The following GPC5 variants were observed in gnomAD, a reference collection of about 807,000 sequenced individuals.
The protein encoded by GPC5 is glypican-5.
GPC5 carries 47 observed loss-of-function variants against 53.9 expected under a neutral mutation model. That is an observed-to-expected ratio of 0.87 (90% CI 0.69 to 1.11). The LOEUF (loss-of-function observed/expected upper bound fraction) is 1.11. GPC5 is among the 50% of genes most tolerant of loss of function. The probability of loss-of-function intolerance (pLI) is 0.00; values close to 1 mark genes in which losing one functional copy is unlikely to be tolerated. For missense variants in GPC5, 748 were observed against 713.1 expected (o/e 1.05, Z -0.56); for synonymous variants, 286 against 263.3 (o/e 1.09, Z -0.84).
intron 2 of GPC5, among the ~76,000 whole-genome samples, chr13:91,488,694 G>A (rs1883756716): frequency 2.0e-5 from 3 of 152,114 alleles, no homozygotes; most frequent in Admixed American, 6.5e-5. Flanking sequence ...GTCATCTCAG[G>A]ACCCTGTGAT....
At chr13:91,850,353 G>T (rs138825671) in intron 5 of GPC5, among the ~76,000 whole-genome samples, 13 of 152,144 alleles carry the variant, frequency 8.5e-5, no homozygotes, top group Non-Finnish European at 1.8e-4. Context: ...GCCATTCCTG[G>T]TTGTCACAAC....
chr13:91,674,968 CCTT>C (rs2035347796), intron 2 of GPC5, among the ~76,000 whole-genome samples: 1 of 151,824 alleles, frequency 6.6e-6, no homozygotes, highest in Non-Finnish European at 1.5e-5. Context: ...CCCTTATTTC[CCTT>C]TTTTTTCTCA....
At chr13:92,822,974 GAA>G (rs5805765) in intron 7 of GPC5, among the ~76,000 whole-genome samples, 1 of 145,250 alleles carries the variant, frequency 6.9e-6, no homozygotes, top group Admixed American at 6.9e-5. Flanking sequence ...GAGAAAGTGT[GAA>G]AAAAAAAAAT....
intron 7 of GPC5, among the ~76,000 whole-genome samples, chr13:92,146,066 G>A (rs938092130): frequency 3.3e-5 from 5 of 152,046 alleles, no homozygotes; most frequent in South Asian, 2.1e-4. Flanking sequence ...ATAATGAAAT[G>A]TTTTCTCATT....
chr13:92,764,809 C>A (rs1875328970), intron 7 of GPC5, among the ~76,000 whole-genome samples: 1 of 151,910 alleles, frequency 6.6e-6, no homozygotes, highest in Non-Finnish European at 1.5e-5. Flanking sequence ...TTCTCAGTGG[C>A]CATTTTGCTG....
At chr13:92,238,353 A>G (rs1229098526) in intron 7 of GPC5, among the ~76,000 whole-genome samples, 1 of 151,964 alleles carries the variant, frequency 6.6e-6, no homozygotes, top group East Asian at 1.9e-4. Context: ...ATCCTCACCA[A>G]TACTTATCAA....
intron 4 of GPC5, among the ~76,000 whole-genome samples, chr13:91,740,651 G>A (rs2036914412): frequency 1.3e-5 from 2 of 152,178 alleles, no homozygotes; most frequent in Non-Finnish European, 2.9e-5. Context: ...GGTCTCCAAA[G>A]TTGAGCAAAG....
chr13:92,607,880 C>T (rs1205105143), intron 7 of GPC5, among the ~76,000 whole-genome samples: 1 of 152,176 alleles, frequency 6.6e-6, no homozygotes, highest in Non-Finnish European at 1.5e-5. Flanking sequence ...TTCTCTTCCA[C>T]CTCTGCCTGC....
intron 7 of GPC5, among the ~76,000 whole-genome samples, chr13:92,552,866 A>G (rs1362802444): frequency 3.9e-5 from 6 of 151,904 alleles, no homozygotes; most frequent in East Asian, 1.9e-4. Flanking sequence ...TGAAACTTCT[A>G]TGTCTTCTTC....
chr13:92,427,697 G>T (rs1258834308), intron 7 of GPC5, among the ~76,000 whole-genome samples: 2 of 152,030 alleles, frequency 1.3e-5, no homozygotes, highest in East Asian at 3.9e-4. Context: ...TGAGTCAAGT[G>T]ATCTTGTGAG....
chr13:91,527,037 A>G (rs1886119359), intron 2 of GPC5, among the ~76,000 whole-genome samples: 1 of 152,200 alleles, frequency 6.6e-6, no homozygotes, highest in Non-Finnish European at 1.5e-5. Context: ...GTGGGGACAC[A>G]GAACCAAACC....
chr13:92,612,292 C>T (rs1884464298), intron 7 of GPC5, among the ~76,000 whole-genome samples: 1 of 152,058 alleles, frequency 6.6e-6, no homozygotes, highest in Non-Finnish European at 1.5e-5. Flanking sequence ...CTGCTATCTA[C>T]ATTTGTGTAA....
intron 7 of GPC5, among the ~76,000 whole-genome samples, chr13:92,547,819 C>CT (rs567478017): frequency 0.028 from 2,796 of 100,354 alleles, 193 homozygotes; most frequent in Admixed American, 0.049. Flanking sequence ...GCCTATTATT[C>CT]TTTTTTTTTT....
intron 7 of GPC5, 99 bp downstream of exon 7, chr13:92,145,088 A>G: frequency 9.3e-7 from 1 of 1,078,522 alleles, no homozygotes; most frequent in South Asian, 4.3e-5. Context: ...CAATTCAAAA[A>G]CAAGCAAGAG....
intron 2 of GPC5, among the ~76,000 whole-genome samples, chr13:91,654,560 G>A (rs935459409): frequency 6.6e-5 from 10 of 152,010 alleles, no homozygotes; most frequent in African/African-American, 1.7e-4. Context: ...ATGCATACAC[G>A]ATGTCAGGAA....
At chr13:91,854,862 T>G (rs2038950348) in intron 5 of GPC5, among the ~76,000 whole-genome samples, 1 of 151,844 alleles carries the variant, frequency 6.6e-6, no homozygotes, top group African/African-American at 2.4e-5. Flanking sequence ...TTTCAACATT[T>G]GCTTAAAAAA....
chr13:92,359,117 G>C (rs1199405900), intron 7 of GPC5, among the ~76,000 whole-genome samples: 3 of 151,758 alleles, frequency 2.0e-5, no homozygotes, highest in South Asian at 4.1e-4. Context: ...AAGAATATTT[G>C]CTGTTAGAAG....
At chr13:92,022,980 T>A (rs960515602) in intron 6 of GPC5, among the ~76,000 whole-genome samples, 4 of 152,204 alleles carry the variant, frequency 2.6e-5, no homozygotes, top group South Asian at 2.1e-4. Flanking sequence ...TTTCCTAAGA[T>A]ACTGTTCTGT....
At chr13:91,493,275 G>A (rs1044924824) in intron 2 of GPC5, among the ~76,000 whole-genome samples, 1 of 152,202 alleles carries the variant, frequency 6.6e-6, no homozygotes, top group African/African-American at 2.4e-5. Flanking sequence ...ATACAGGCAT[G>A]TAATGTATAA....
Sources: gnomAD v4.1 joint callset for allele counts (sites outside exome capture counted in the v4.1 genomes callset) on GRCh38, gnomAD v4.1.1 for gene constraint, MANE v1.5 for transcripts, NCBI Gene and HGNC (gene_info 2026-07-23, HGNC 2026-07-21) for gene names.